AP3B2: variants seen among roughly 807,000 people sequenced by gnomAD.
AP3B2 encodes AP-3 complex subunit beta-2.
Under a neutral mutation model 126.9 loss-of-function variants are expected in AP3B2, and 50 were observed. That is an observed-to-expected ratio of 0.39 (90% CI 0.31 to 0.50). AP3B2 has a LOEUF of 0.50. AP3B2 is among the 20% of genes least tolerant of loss of function. The probability of loss-of-function intolerance (pLI) is 0.79; values close to 1 mark genes in which losing one functional copy is unlikely to be tolerated. For synonymous variants in AP3B2, 541 were observed against 565.0 expected (o/e 0.96, Z 0.60); for missense variants, 1,177 against 1,426.4 (o/e 0.83, Z 2.82).
intron 25 of AP3B2, among the ~76,000 whole-genome samples, chr15:82,660,254 A>G (rs1025174599): frequency 1.3e-5 from 2 of 152,152 alleles, no homozygotes; most frequent in African/African-American, 4.8e-5. Context: ...TCCATCAGAC[A>G]TCTGGGCTAC....
intron 1 of AP3B2, among the ~76,000 whole-genome samples, chr15:82,703,195 G>C (rs1185101187): frequency 6.6e-6 from 1 of 152,022 alleles, no homozygotes; most frequent in Non-Finnish European, 1.5e-5. Flanking sequence ...TCTGATCACC[G>C]CGAGGATGCC....
intron 10 of AP3B2, among the ~76,000 whole-genome samples, chr15:82,678,545 A>G (rs1482468838): frequency 1.3e-5 from 2 of 152,016 alleles, no homozygotes; most frequent in South Asian, 2.1e-4. Context: ...CCAGGCCCCA[A>G]TCCCACTCCA....
chr15:82,663,328 T>C (rs1455466389), intron 21 of AP3B2, 95 bp from the exon 22 acceptor site: 2 of 1,101,710 alleles, frequency 1.8e-6, no homozygotes, highest in Non-Finnish European at 2.7e-6. Flanking sequence ...TTCAGCACCA[T>C]GGACAGCGGG....
chr15:82,671,497 G>A (rs1336280286), intron 14 of AP3B2, among the ~76,000 whole-genome samples: 1 of 152,162 alleles, frequency 6.6e-6, no homozygotes, highest in Non-Finnish European at 1.5e-5. Flanking sequence ...CCAGCACTTT[G>A]GGAGGCCGAG....
At chr15:82,666,065 A>C (rs555018575) in intron 15 of AP3B2, among the ~76,000 whole-genome samples, 20 of 152,322 alleles carry the variant, frequency 1.3e-4, no homozygotes, top group Non-Finnish European at 2.4e-4. Flanking sequence ...CCACCCTCAG[A>C]ATCTCCCCAT....
chr15:82,662,045 A>T (rs769127691), intron 24 of AP3B2, 123 bp from the exon 25 acceptor site: 4 of 1,300,712 alleles, frequency 3.1e-6, no homozygotes, highest in Non-Finnish European at 3.3e-6. Context: ...AGGGCCTGAG[A>T]TGGCTTCCAG....
chr15:82,666,943 C>G lies in AP3B2; in HGVS notation c.1666-10G>C, dbSNP rs749556897. 29 of 1,603,772 alleles carry G rather than the reference C, an allele frequency of 1.8e-5. No homozygotes were observed. In the African/African-American group the frequency reaches 3.7e-4, roughly 21 times the overall value. ...GGGTCAGCAGCTTGGTCTGGAGGAA[C>G]AGGAAGAGGTGGGTCAGCTGACGGG... On this transcript the variant is annotated splice_polypyrimidine_tract_variant and intron_variant, in intron 14 of 26. Coordinates refer to ENST00000535359, the MANE Select transcript of AP3B2 (RefSeq NM_001278512.2).
At chr15:82,693,849 C>T (rs991728384) in intron 1 of AP3B2, among the ~76,000 whole-genome samples, 9 of 151,626 alleles carry the variant, frequency 5.9e-5, no homozygotes, top group Admixed American at 5.3e-4. Context: ...TACAGGCATG[C>T]GCCACCATGC....
At chr15:82,702,617 A>G (rs2048736903) in intron 1 of AP3B2, among the ~76,000 whole-genome samples, 1 of 151,634 alleles carries the variant, frequency 6.6e-6, no homozygotes, top group Non-Finnish European at 1.5e-5. Context: ...TTTGACTGTA[A>G]TTGTCCACTA....
In AP3B2 at chr15:82,664,513, C is replaced by T. The variant is rs1169011636; in HGVS notation, c.2138-23G>A. The T allele has an allele frequency of 2.5e-6, 4 of 1,605,336 alleles. No individual in the cohort carries two copies. The African/African-American group carries it at 4.0e-5, about 16-fold the overall frequency. On this transcript the variant is annotated intron_variant, in intron 18 of 26. Coordinates refer to ENST00000535359, the MANE Select transcript of AP3B2 (RefSeq NM_001278512.2). This position sits in a 1 kb window ranked among gnomAD's most constrained non-coding sequence, Gnocchi z 4.5. ...GGTCTGTGGAGGAACAATATGAGGC[C>T]TCCTCCCTCATATGCAGGCCTCCTT...
intron 1 of AP3B2, among the ~76,000 whole-genome samples, chr15:82,704,077 T>C (rs1425187651): frequency 6.6e-6 from 1 of 152,174 alleles, no homozygotes; most frequent in Non-Finnish European, 1.5e-5. Flanking sequence ...AAAGGCATAG[T>C]CAAGGTTAAC....
Position 82,663,834 on chromosome 15 carries a change from C to T in AP3B2, c.2403G>A (p.Glu801=), listed in dbSNP as rs368097009. Residue 801 remains glutamate, a synonymous_variant, in exon 20 of 27, where the codon GAG becomes GAA. Transcript: ENST00000535359. ...TGCTCCAGGAGGCAGGTTCTAACTG[C>T]TCCTCCTCGGACTCCGATGTCATCT... ...ESEMTSESEE[E]QLEPASWSRK... is the part of the protein sequence containing the mutation. The T allele has an allele frequency of 2.2e-5, 35 of 1,613,826 alleles. No individual in the cohort carries two copies. The highest frequency in any genetic ancestry group is 2.8e-5 in the Non-Finnish European group (33 of 1,179,800).
chr15:82,664,554 A>G lies in AP3B2; in HGVS notation c.2138-64T>C. On this transcript the variant is annotated intron_variant, in intron 18 of 26. Coordinates refer to ENST00000535359, the MANE Select transcript of AP3B2 (RefSeq NM_001278512.2). The surrounding 1 kb of genome is among the most constrained non-coding windows in gnomAD (Gnocchi z 4.5). Reference sequence around the variant, plus strand: ...AGGCCTCCTTGGGTCTGGAGCAGACACCTGGGTTCCACCTTCACATTCAGT... The same window carrying G: ...AGGCCTCCTTGGGTCTGGAGCAGACGCCTGGGTTCCACCTTCACATTCAGT... 3 of 1,556,304 alleles carry G rather than the reference A, an allele frequency of 1.9e-6. No homozygotes were observed. The highest frequency in any genetic ancestry group is 2.3e-5 in the South Asian group (2 of 85,240).
In AP3B2 at chr15:82,662,733, G is replaced by T; in HGVS notation, c.2794C>A (p.Leu932Met). 6.2e-7 allele frequency: 1 copy of T among 1,613,886 alleles called. No individual in the cohort carries two copies. Among genetic ancestry groups the T allele is most frequent in the Non-Finnish European group, 8.5e-7 (1 of 1,179,850 alleles). The change falls in exon 23 of 27, where the codon CTG becomes ATG. Residue 932 changes from leucine to methionine, a missense_variant. Leu to Met is a conservative substitution (Grantham distance 15). This residue lies in a region of AP3B2 where 587 missense variants were observed against 571.3 expected (regional missense o/e 1.03). Transcript: ENST00000535359. ...IKGLHVGTPK[L>M]PAGISIQEFP... ...TCTTGGATGCTGATGCCAGCAGGCA[G>T]TTTGGGAGTGCCCACATGCAGGCCC...
intron 1 of AP3B2, among the ~76,000 whole-genome samples, chr15:82,691,022 G>C (rs2151451276): frequency 6.6e-6 from 1 of 151,932 alleles, no homozygotes; most frequent in South Asian, 2.1e-4. Flanking sequence ...ATGGACATTT[G>C]GGTTGGTTCC....
rs2048246706 is a variant in AP3B2 at position 82,676,650 on chromosome 15, G to T, written c.1489-13C>A. 1.2e-6 allele frequency: 2 copies of T among 1,613,170 alleles called. No individual in the cohort carries two copies. The highest frequency in any genetic ancestry group is 1.7e-6 in the Non-Finnish European group (2 of 1,179,530). On this transcript the variant is annotated splice_polypyrimidine_tract_variant and intron_variant, in intron 13 of 26. Coordinates refer to ENST00000535359, the MANE Select transcript of AP3B2 (RefSeq NM_001278512.2). ...GGGCCATGGGCACCTGTGGTTGTGG[G>T]AGAGGAGTGAAGATGGGTAAATACG...
chr15:82,660,295 A>C (rs906824963), intron 25 of AP3B2, among the ~76,000 whole-genome samples: 1 of 152,108 alleles, frequency 6.6e-6, no homozygotes, highest in Non-Finnish European at 1.5e-5. Flanking sequence ...GTCAGTTCTT[A>C]AGAGGTTCGC....
chr15:82,671,515 G>T (rs1160326609), intron 14 of AP3B2, among the ~76,000 whole-genome samples: 1 of 152,020 alleles, frequency 6.6e-6, no homozygotes, highest in East Asian at 1.9e-4. Context: ...GAGGTGGGTG[G>T]ATCGCGAGGT....
At chr15:82,662,075 A>G in intron 24 of AP3B2, 93 bp downstream of exon 24, 4 of 1,352,580 alleles carry the variant, frequency 3.0e-6, no homozygotes, top group South Asian at 1.3e-5. Flanking sequence ...ATCATGATGT[A>G]TCCCCACTAA....
Sources: gnomAD v4.1 joint callset for allele counts (sites outside exome capture counted in the v4.1 genomes callset) on GRCh38, gnomAD v4.1.1 for gene constraint, gnomAD v4.1.1 regional missense constraint, Gnocchi (gnomAD v3.1) non-coding constraint, MANE v1.5 for transcripts, NCBI Gene and HGNC (gene_info 2026-07-23, HGNC 2026-07-21) for gene names.